Variants in PTGR2 observed in about 807,000 individuals in gnomAD.
The protein encoded by PTGR2 is 15-oxoprostaglandin 13-reductase.
In PTGR2, 32 loss-of-function variants were observed where a neutral mutation model predicts 43.4. The ratio of observed to expected loss-of-function variants is 0.74; its 90% CI spans 0.56 to 0.99. The LOEUF is 0.99. Among genes scored for constraint, PTGR2 ranks in the 50% least tolerant of loss-of-function variants. PTGR2 has a pLI of 0.00. For missense variants in PTGR2, 373 were observed against 420.0 expected, an observed-to-expected ratio of 0.89 and a Z score of 0.98; for synonymous variants, 106 against 139.2, an observed-to-expected ratio of 0.76 and a Z score of 1.68.
Position 73,880,143 on chromosome 14 carries a change from T to A in PTGR2, c.818T>A (p.Ile273Lys). The A allele has an allele frequency of 6.2e-7, 1 of 1,614,024 alleles. No individual in the cohort carries two copies. Among genetic ancestry groups the A allele is most frequent in the Non-Finnish European group, 8.5e-7 (1 of 1,179,920 alleles). ...TATCCTCCCCCGCTATCCCCTGCTA[T>A]AGAGGCAATCCAGAAAGAAAGAAAC... ...VPYPPPLSPA[I>K]EAIQKERNIT... is the part of the protein sequence containing the mutation. The change falls in exon 7 of 10, where the codon ATA (isoleucine) becomes AAA (lysine). Residue 273 changes from isoleucine (I) to lysine (K), a missense_variant. Coordinates refer to ENST00000555661, the MANE Select transcript of PTGR2 (RefSeq NM_001146154.2).
At chr14:73,863,255 T>C (rs894545015) in intron 3 of PTGR2, among the ~76,000 whole-genome samples, 2 of 152,172 alleles carry the variant, frequency 1.3e-5, no homozygotes, top group Non-Finnish European at 2.9e-5. Flanking sequence ...TTTGTTCCTA[T>C]AGATTTGCCT....
chr14:73,863,309 C>T (rs2054534980), intron 3 of PTGR2, among the ~76,000 whole-genome samples: 1 of 151,758 alleles, frequency 6.6e-6, no homozygotes, highest in Admixed American at 6.6e-5. Context: ...ATATGTTATT[C>T]TTTTTTGTTG....
rs141132359 is a variant in PTGR2, at chr14:73,876,444, A to C, written c.349-554A>C. 1.4e-3 allele frequency among the ~76,000 whole-genome samples: 208 copies of C among 146,024 alleles called. 1 individual carries two copies. The highest frequency in any genetic ancestry group is 4.7e-3 in the African/African-American group (190 of 40,076). The stretch of plus-strand genomic sequence containing the variant: ...GTCTTTCCTCTGTGGGTGTGCAGAG[A>C]GATAGATCTTGTTTCTTCTTCTTCT... On this transcript the variant is annotated intron_variant, in intron 4 of 9. Transcript: ENST00000555661.
At chr14:73,880,424 A>C (rs2054957060) in intron 7 of PTGR2, among the ~76,000 whole-genome samples, 1 of 151,778 alleles carries the variant, frequency 6.6e-6, no homozygotes. Flanking sequence ...AATACAAAAA[A>C]ATTAGCCGGG....
At chr14:73,861,291 C>T (rs1566635420) in intron 3 of PTGR2, 1 of 152,196 alleles carries the variant, frequency 6.6e-6, no homozygotes, top group Non-Finnish European at 1.5e-5. Context: ...TTGCTGAAGA[C>T]TGCAGATAAG....
At chr14:73,860,059 G>C (rs2054452434) in intron 2 of PTGR2, among the ~76,000 whole-genome samples, 1 of 151,752 alleles carries the variant, frequency 6.6e-6, no homozygotes, top group South Asian at 2.1e-4. Context: ...ATGTTGGCCA[G>C]GCTGGTCTGA....
At chr14:73,867,559 A>C (rs182686454) in intron 3 of PTGR2, among the ~76,000 whole-genome samples, 91 of 152,316 alleles carry the variant, frequency 6.0e-4, no homozygotes, top group African/African-American at 1.9e-3. Flanking sequence ...TTATAATATA[A>C]ATTGAATTAA....
intron 1 of PTGR2, 92 bp from the exon 2 acceptor site, chr14:73,858,724 C>T (rs1008501460): frequency 1.9e-6 from 1 of 528,904 alleles, no homozygotes; most frequent in Admixed American, 3.5e-5. Flanking sequence ...ATTTTTCTCC[C>T]TCTTCATTGG....
rs2054426077 is a variant in PTGR2, at chr14:73,858,947, A to G, written c.37+48A>G. 2.0e-6 allele frequency: 3 copies of G among 1,484,694 alleles called. No individual in the cohort carries two copies. In the South Asian group the frequency reaches 3.5e-5, roughly 17 times the overall value. The allele number at this position is 1,484,694 out of a possible 1,614,324, so 92.0% of individuals were successfully genotyped here. ...CAACTCTGATCTTTGATAAGTATTA[A>G]TGCAAATGGAGGAATAAAAACTAAT... On this transcript the variant is annotated intron_variant, in intron 2 of 9. Coordinates refer to ENST00000555661, the MANE Select transcript of PTGR2 (RefSeq NM_001146154.2).
chr14:73,860,331 G>T (rs1279685206), intron 2 of PTGR2, among the ~76,000 whole-genome samples: 1 of 151,914 alleles, frequency 6.6e-6, no homozygotes, highest in Non-Finnish European at 1.5e-5. Context: ...GCCGGGCATG[G>T]TGGTGCATGC....
intron 9 of PTGR2, among the ~76,000 whole-genome samples, chr14:73,883,188 C>A: frequency 1.7e-5 from 1 of 58,152 alleles, no homozygotes; most frequent in East Asian, 1.3e-3. Flanking sequence ...CCTCACCTCC[C>A]TTTTTTTTTT....
At chr14:73,883,990 T>C in intron 9 of PTGR2, 111 bp from the exon 10 acceptor site, 1 of 702,760 alleles carries the variant, frequency 1.4e-6, no homozygotes, top group Non-Finnish European at 2.4e-6. Context: ...ATGCTTAATA[T>C]TCAAAATCAT....
intron 3 of PTGR2, among the ~76,000 whole-genome samples, chr14:73,862,520 A>G (rs931478631): frequency 6.6e-6 from 1 of 152,106 alleles, no homozygotes; most frequent in Admixed American, 6.6e-5. Flanking sequence ...TTTTATCAAC[A>G]TTCTAAATAG....
Position 73,879,271 on chromosome 14 carries a change from T to G in PTGR2, c.695T>G (p.Val232Gly). 1 of 1,614,146 alleles carries G rather than the reference T, an allele frequency of 6.2e-7. No individual in the cohort carries two copies. The highest frequency in any genetic ancestry group is 8.5e-7 in the Non-Finnish European group (1 of 1,180,004). ...GGAGTGGATGTTTATTTTGACAATG[T>G]TGGTGGTAACATCAGTGATACAGTG... ...PAGVDVYFDN[V>G]GGNISDTVIS... Residue 232 changes from valine to glycine, a missense_variant, in exon 6 of 10, where the codon GTT (valine) becomes GGT (glycine). Coordinates refer to ENST00000555661, the MANE Select transcript of PTGR2 (RefSeq NM_001146154.2).
At chr14:73,876,019 C>T (rs2054855449) in intron 4 of PTGR2, among the ~76,000 whole-genome samples, 1 of 150,902 alleles carries the variant, frequency 6.6e-6, no homozygotes, top group Admixed American at 6.6e-5. Flanking sequence ...CGGGGTTTCA[C>T]CATTTTGGCC....
At chr14:73,873,465 CT>C (rs373183552) in intron 3 of PTGR2, among the ~76,000 whole-genome samples, 16,512 of 145,654 alleles carry the variant, frequency 0.11, 1,117 homozygotes, top group Admixed American at 0.19. Flanking sequence ...CTTTTCTTTT[CT>C]TTTTTTTTTT....
intron 1 of PTGR2, among the ~76,000 whole-genome samples, chr14:73,857,664 GTTTTTT>G (rs1213963564): frequency 0.026 from 1,666 of 64,774 alleles, 36 homozygotes; most frequent in Middle Eastern, 0.12. Flanking sequence ...AGCAGTTAGT[GTTTTTT>G]TTTTTTTTTT....
chr14:73,852,075 A>G (rs1193514274), intron 1 of PTGR2, 132 bp downstream of exon 1: 2 of 152,148 alleles, frequency 1.3e-5, no homozygotes. Flanking sequence ...CACTGGCGTT[A>G]TTGCCCGCAA....
chr14:73,857,089 T>C (rs1219264571), intron 1 of PTGR2, among the ~76,000 whole-genome samples: 1 of 151,878 alleles, frequency 6.6e-6, no homozygotes, highest in Non-Finnish European at 1.5e-5. Flanking sequence ...CTGAGCAACA[T>C]AGCGAGACCT....
Sources: gnomAD v4.1 joint callset for allele counts (sites outside exome capture counted in the v4.1 genomes callset) on GRCh38, gnomAD v4.1.1 for gene constraint, MANE v1.5 for transcripts, NCBI Gene and HGNC (gene_info 2026-07-23, HGNC 2026-07-21) for gene names.